ZNF417: variants seen among roughly 807,000 people sequenced by gnomAD.
ZNF417 encodes zinc finger protein 417.
Under a neutral mutation model 7.4 loss-of-function variants are expected in ZNF417, and 5 were observed. The observed-to-expected ratio is 0.68, with a 90% CI of 0.35 to 1.43. The LOEUF (loss-of-function observed/expected upper bound fraction) is 1.43. Ranked by LOEUF, ZNF417 falls within the 40% of genes most tolerant of loss-of-function variation. The pLI is 0.04. For missense variants in ZNF417, 437 were observed against 697.3 expected (o/e 0.63, Z 4.20); for synonymous variants, 147 against 239.1 (o/e 0.61, Z 3.55).
rs1359217916 is a variant in ZNF417, at chr19:57,906,155, T to G, written c.*2395A>C. On this transcript the variant is annotated 3_prime_UTR_variant, in exon 3 of 3. Coordinates refer to ENST00000312026, the MANE Select transcript of ZNF417 (RefSeq NM_152475.3). ...TACACCACAAGAGACAGACACATAC[T>G]CTTCAGGGTGTATGGTCATAATTTG... 4.6e-5 allele frequency among the ~76,000 whole-genome samples: 7 copies of G among 152,176 alleles called. No individual in the cohort carries two copies. Among genetic ancestry groups the G allele is most frequent in the Admixed American group, 4.6e-4 (7 of 15,276 alleles).
rs1040623254 is a variant in ZNF417 at position 57,909,118 on chromosome 19, T to C, written c.1160A>G (p.Lys387Arg). 6 of 1,614,068 alleles carry C rather than the reference T, an allele frequency of 3.7e-6. No individual in the cohort carries two copies. The African/African-American group carries it at 8.0e-5, about 22-fold the overall frequency. The change falls in exon 3 of 3, where the codon AAA becomes AGA. Residue 387 changes from lysine to arginine, a missense_variant. By Grantham distance (26) the Lys-to-Arg change is conservative (BLOSUM62 2). This residue lies in a region of ZNF417 where 233 missense variants were observed against 235.5 expected (regional missense o/e 0.99). Transcript: ENST00000312026. ...ERPYKCGECG[K>R]SFGQKGNLVQ... is the part of the protein sequence containing the mutation. ...GAGGTTGCCCTTTTGACCAAAAGAT[T>C]TTCCACATTCTCCACACTTGTAAGG...
rs769802716 is a variant in ZNF417 at position 57,916,445 on chromosome 19, T to C, written c.-34A>G. On this transcript the variant is annotated 5_prime_UTR_variant, in exon 1 of 3. Coordinates refer to ENST00000312026, the MANE Select transcript of ZNF417 (RefSeq NM_152475.3). ...TTGGGGAAGCACGGCCCGGGAGCAG[T>C]GGTCGCCGTCACGGGGCTGCAGAGC... is the stretch of plus-strand genomic sequence containing the variant. The C allele has an allele frequency of 8.1e-6, 13 of 1,613,724 alleles. No homozygotes were observed. Among genetic ancestry groups the C allele is most frequent in the South Asian group, 5.5e-5 (5 of 91,058 alleles).
At chr19:57,911,522 C>T (rs969434474) in intron 2 of ZNF417, among the ~76,000 whole-genome samples, 4 of 152,064 alleles carry the variant, frequency 2.6e-5, no homozygotes, top group Admixed American at 1.3e-4. Flanking sequence ...TAGGACCCGA[C>T]GATGTAACTA....
In ZNF417 at chr19:57,916,586, C is replaced by A. The variant is rs1430180041; in HGVS notation, c.-175G>T. ...AACACCCGCGTCACCGATACACAGC[C>A]GCTACTAGAGACCCCGGAAGTCTCA... On this transcript the variant is annotated 5_prime_UTR_variant, in exon 1 of 3. Coordinates refer to ENST00000312026, the MANE Select transcript of ZNF417 (RefSeq NM_152475.3). 6 of 1,469,048 alleles carry A rather than the reference C, an allele frequency of 4.1e-6. No homozygotes were observed. In the African/African-American group the frequency reaches 8.5e-5, roughly 21 times the overall value. 91.0% of individuals were successfully genotyped at this position (1,469,048 alleles called of 1,614,324 possible).
rs1296410979 is a variant in ZNF417 at position 57,909,780 on chromosome 19, T to C, written c.498A>G (p.Ser166=). The C allele has an allele frequency of 5.3e-6, 8 of 1,513,118 alleles. No individual in the cohort carries two copies. The highest frequency in any genetic ancestry group is 1.6e-5 in the African/African-American group (1 of 61,572). 93.7% of individuals were successfully genotyped at this position (1,513,118 alleles called of 1,614,324 possible). ...ACTCGCGGAAGACAAATGGCTCCTG[T>C]GACACCCTGAGCTTACGTTTCTTTA... ...SFVKKRKLRV[S]QEPFVFREFG... is the part of the protein sequence containing the mutation. The change falls in exon 3 of 3, where the codon TCA becomes TCG. Residue 166 remains serine, a synonymous_variant. Coordinates refer to ENST00000312026, the MANE Select transcript of ZNF417 (RefSeq NM_152475.3).
rs186475699 is a variant in ZNF417, at chr19:57,908,603, G to A, written c.1675C>T (p.Arg559Ter). The A allele has an allele frequency of 3.6e-5, 58 of 1,613,758 alleles. No individual in the cohort carries two copies. The highest frequency in any genetic ancestry group is 1.3e-4 in the East Asian group (6 of 44,838). Residue 559 changes from arginine (R) to a stop codon, truncating the protein, a stop_gained, in exon 3 of 3, where the codon CGA becomes TGA. Coordinates refer to ENST00000312026, the MANE Select transcript of ZNF417 (RefSeq NM_152475.3). LOFTEE classifies it low-confidence loss of function (END_TRUNC). ...TGATGATGAAGGAGGGTAGAGCTTC[G>A]CTGAAATGTTTTTCCACATTTGGTA... ...ECTKCGKTFQRSSTLLHHQSS... is the reference protein window; with the variant it reads ...ECTKCGKTFQ
intron 1 of ZNF417, 150 bp downstream of exon 1, chr19:57,916,229 G>A: frequency 6.9e-7 from 1 of 1,456,844 alleles, no homozygotes; most frequent in Non-Finnish European, 9.3e-7. Flanking sequence ...ACCCCCACTG[G>A]ACAGTTACAC....
chr19:57,913,941 T>G lies in ZNF417; in HGVS notation c.34-1752A>C, dbSNP rs554791377. Among the ~76,000 whole-genome samples, 3 of 152,288 alleles carry G rather than the reference T, an allele frequency of 2.0e-5. No individual in the cohort carries two copies. In the South Asian group the frequency reaches 6.2e-4, roughly 32 times the overall value. The stretch of plus-strand genomic sequence containing the variant: ...AAGTTCACCCATTAGCTTTCAAATA[T>G]TGGATGTCTCCAGTATCAACACCCT... On this transcript the variant is annotated intron_variant, in intron 1 of 2. Coordinates refer to ENST00000312026, the MANE Select transcript of ZNF417 (RefSeq NM_152475.3).
Position 57,915,870 on chromosome 19 carries a change from A to G in ZNF417, c.33+509T>C, listed in dbSNP as rs970401885. 5.3e-5 allele frequency among the ~76,000 whole-genome samples: 8 copies of G among 152,186 alleles called. No individual in the cohort carries two copies. In the East Asian group the frequency reaches 1.4e-3, roughly 26 times the overall value. ...TTGTAAAACCTAAGATCAGTGCTTG[A>G]GGTATTTTGCAGATCCTGCACTGGA... is the stretch of plus-strand genomic sequence containing the variant. On this transcript the variant is annotated intron_variant, in intron 1 of 2. Coordinates refer to ENST00000312026, the MANE Select transcript of ZNF417 (RefSeq NM_152475.3).
chr19:57,912,805 G>T (rs1162981111), intron 1 of ZNF417, among the ~76,000 whole-genome samples: 1 of 151,882 alleles, frequency 6.6e-6, no homozygotes, highest in African/African-American at 2.4e-5. Context: ...GGTAGAGAGG[G>T]GGTTTCACCA....
At chr19:57,910,185 G>T in intron 2 of ZNF417, 71 bp from the exon 3 acceptor site, 1 of 1,534,646 alleles carries the variant, frequency 6.5e-7, no homozygotes, top group Non-Finnish European at 8.7e-7. Context: ...CCACAAGTAC[G>T]TCTCACAAAT....
At chr19:57,915,290 C>T (rs2071937615) in intron 1 of ZNF417, 1 of 180,682 alleles carries the variant, frequency 5.5e-6, no homozygotes, top group African/African-American at 2.4e-5. Flanking sequence ...GGATTTGGAT[C>T]ATGTCCCTCC....
Position 57,916,539 on chromosome 19 carries a change from C to G in ZNF417, c.-128G>C. On this transcript the variant is annotated 5_prime_UTR_variant, in exon 1 of 3. Transcript: ENST00000312026. ...CAGTCACCGCGGTCCCCCCCCAGCA[C>G]TCAGGGGCCACAAACTGGGGAAACA... 6.5e-7 allele frequency: 1 copy of G among 1,545,326 alleles called. No individual in the cohort carries two copies. Among genetic ancestry groups the G allele is most frequent in the Non-Finnish European group, 8.7e-7 (1 of 1,147,434 alleles).
chr19:57,916,053 C>T (rs957705899), intron 1 of ZNF417, among the ~76,000 whole-genome samples: 1 of 152,190 alleles, frequency 6.6e-6, no homozygotes, highest in African/African-American at 2.4e-5. Context: ...ACTCTGATCC[C>T]GGAATGCTAA....
Position 57,916,222 on chromosome 19 carries a change from C to T in ZNF417, c.33+157G>A, listed in dbSNP as rs551401092. On this transcript the variant is annotated intron_variant, in intron 1 of 2. Transcript: ENST00000312026. Reference sequence around the variant, plus strand: ...CCCACTGGACAGTTACACAGGGACCCCCACTGGACAGTTACACAGGGACCC... The same window carrying T: ...CCCACTGGACAGTTACACAGGGACCTCCACTGGACAGTTACACAGGGACCC... Among the ~76,000 whole-genome samples the T allele has an allele frequency of 4.8e-5, 7 of 144,434 alleles. No individual in the cohort carries two copies. The South Asian group carries it at 1.2e-3, about 26-fold the overall frequency. The allele number at this position is 144,434 out of a possible 152,430, so 94.8% of individuals were successfully genotyped here.
At position 57,907,257 on chromosome 19, in the gene ZNF417, G is replaced by A. The variant is rs2122510845; in HGVS notation, c.*1293C>T. 6.6e-6 allele frequency: 1 copy of A among 152,246 alleles called. No homozygotes were observed. The highest frequency in any genetic ancestry group is 6.5e-5 in the Admixed American group (1 of 15,298). The allele number at this position is 152,246 out of a possible 1,614,324, so 9.4% of individuals were successfully genotyped here. On this transcript the variant is annotated 3_prime_UTR_variant, in exon 3 of 3. Transcript: ENST00000312026. Reference sequence around the variant, plus strand: ...AATGGGACAGGAAGTTTTAACTCTTGTATCCATGAAGCATCTTAGTAAAAT... The same window carrying A: ...AATGGGACAGGAAGTTTTAACTCTTATATCCATGAAGCATCTTAGTAAAAT...
chr19:57,913,811 G>A (rs2071920424), intron 1 of ZNF417, among the ~76,000 whole-genome samples: 1 of 152,114 alleles, frequency 6.6e-6, no homozygotes, highest in Non-Finnish European at 1.5e-5. Flanking sequence ...ACGTAAGTAA[G>A]AGATCCACTC....
At position 57,906,374 on chromosome 19, in the gene ZNF417, C is replaced by T. The variant is rs2071827680; in HGVS notation, c.*2176G>A. On this transcript the variant is annotated 3_prime_UTR_variant, in exon 3 of 3. Transcript: ENST00000312026. ...GACATTTAGGGGCTGAGACTGTTAACATCTGACTGTACCTTGCTATTTGTA... is the reference window on the plus strand; with the variant it reads ...GACATTTAGGGGCTGAGACTGTTAATATCTGACTGTACCTTGCTATTTGTA... Among the ~76,000 whole-genome samples the T allele has an allele frequency of 6.6e-6, 1 of 152,072 alleles. No homozygotes were observed. Among genetic ancestry groups the T allele is most frequent in the African/African-American group, 2.4e-5 (1 of 41,406 alleles).
Position 57,908,933 on chromosome 19 carries a change from A to G in ZNF417, c.1345T>C (p.Tyr449His), listed in dbSNP as rs1362660342. The change falls in exon 3 of 3, where the codon TAT becomes CAT. Residue 449 changes from tyrosine to histidine, a missense_variant. By Grantham distance (83) the Tyr-to-His change is moderately conservative. Coordinates refer to ENST00000312026, the MANE Select transcript of ZNF417 (RefSeq NM_152475.3). ...RECGKLFNRKYHLLVHERVHT... is the reference protein window; with the variant it reads ...RECGKLFNRKHHLLVHERVHT... ...ACTCTCTCATGAACGAGAAGATGAT[A>G]CTTCCTGTTAAATAATTTCCCACAT... 9.9e-6 allele frequency: 16 copies of G among 1,612,888 alleles called. No individual in the cohort carries two copies. Among genetic ancestry groups the G allele is most frequent in the Non-Finnish European group, 1.4e-5 (16 of 1,179,132 alleles).
Sources: gnomAD v4.1 joint callset for allele counts (sites outside exome capture counted in the v4.1 genomes callset) on GRCh38, gnomAD v4.1.1 for gene constraint, gnomAD v4.1.1 regional missense constraint, MANE v1.5 for transcripts, NCBI Gene and HGNC (gene_info 2026-07-23, HGNC 2026-07-21) for gene names.